The following UBE2E2 variants were observed in gnomAD, a reference collection of about 807,000 sequenced individuals.
UBE2E2 encodes ubiquitin-conjugating enzyme E2 E2.
In UBE2E2, 6 loss-of-function variants were observed where a neutral mutation model predicts 24.7. The observed-to-expected ratio is 0.24, with a 90% CI of 0.13 to 0.48. UBE2E2 has a LOEUF of 0.48. Among genes scored for constraint, UBE2E2 ranks in the 20% least tolerant of loss-of-function variants. The pLI, the probability that UBE2E2 is intolerant of heterozygous loss-of-function variation, is 0.99. For missense variants in UBE2E2, 169 were observed against 245.0 expected (o/e 0.69, Z 2.07); for synonymous variants, 104 against 83.6 (o/e 1.24, Z -1.33).
chr3:23,302,095 A>G (rs1699112349), intron 3 of UBE2E2, among the ~76,000 whole-genome samples: 1 of 151,772 alleles, frequency 6.6e-6, no homozygotes, highest in African/African-American at 2.4e-5. Context: ...CCTCCATTCC[A>G]GGAGTTCTTG....
intron 5 of UBE2E2, among the ~76,000 whole-genome samples, chr3:23,572,485 G>C (rs1696250850): frequency 6.6e-6 from 1 of 152,158 alleles, no homozygotes; most frequent in South Asian, 2.1e-4. Flanking sequence ...CACCCAGATA[G>C]TGAACATAAT....
chr3:23,491,247 C>G (rs1699488425), intron 3 of UBE2E2, among the ~76,000 whole-genome samples: 1 of 152,186 alleles, frequency 6.6e-6, no homozygotes, highest in Non-Finnish European at 1.5e-5. Flanking sequence ...CTCTCAGACA[C>G]TACAGTACTG....
chr3:23,472,744 A>G (rs377401585), intron 3 of UBE2E2, among the ~76,000 whole-genome samples: 1 of 150,754 alleles, frequency 6.6e-6, no homozygotes, highest in South Asian at 2.1e-4. Flanking sequence ...AACCTCCTGG[A>G]CTCAATCCTC....
intron 3 of UBE2E2, among the ~76,000 whole-genome samples, chr3:23,431,330 C>T (rs185015545): frequency 6.6e-6 from 1 of 152,254 alleles, no homozygotes; most frequent in Non-Finnish European, 1.5e-5. Context: ...TGATTGAGGT[C>T]CACTGGGGTC....
chr3:23,391,152 T>C (rs2125360973), intron 3 of UBE2E2, among the ~76,000 whole-genome samples: 1 of 152,328 alleles, frequency 6.6e-6, no homozygotes, highest in East Asian at 1.9e-4. Flanking sequence ...GATGGTTGTT[T>C]ACTTACCCAA....
intron 3 of UBE2E2, among the ~76,000 whole-genome samples, chr3:23,403,698 C>T (rs971357106): frequency 2.6e-5 from 4 of 151,772 alleles, no homozygotes; most frequent in African/African-American, 9.7e-5. Flanking sequence ...GTGGTGCACG[C>T]CTGTAGTTCC....
At chr3:23,508,997 C>A (rs890334854) in intron 4 of UBE2E2, among the ~76,000 whole-genome samples, 1 of 152,142 alleles carries the variant, frequency 6.6e-6, no homozygotes, top group Admixed American at 6.6e-5. Context: ...CCTCCCCTCA[C>A]GTGAGTTTTC....
chr3:23,556,684 G>C (rs891267256), intron 5 of UBE2E2, among the ~76,000 whole-genome samples: 3 of 152,074 alleles, frequency 2.0e-5, no homozygotes, highest in African/African-American at 7.2e-5. Flanking sequence ...TTATGGTTTA[G>C]AATTTCACTG....
chr3:23,275,658 G>A (rs1698359646), intron 3 of UBE2E2, among the ~76,000 whole-genome samples: 1 of 152,092 alleles, frequency 6.6e-6, no homozygotes, highest in South Asian at 2.1e-4. Context: ...AGTTTTATAG[G>A]TAGAGGTGCT....
At chr3:23,463,920 G>A (rs2125427836) in intron 3 of UBE2E2, among the ~76,000 whole-genome samples, 1 of 152,208 alleles carries the variant, frequency 6.6e-6, no homozygotes, top group South Asian at 2.1e-4. Context: ...CCCTTTTAAT[G>A]TTAAAGATCA....
intron 4 of UBE2E2, among the ~76,000 whole-genome samples, chr3:23,500,779 G>A (rs1293554731): frequency 2.6e-5 from 4 of 152,030 alleles, no homozygotes; most frequent in Admixed American, 1.3e-4. Context: ...GCAAAAAGTA[G>A]TAGCTATAAT....
intron 3 of UBE2E2, among the ~76,000 whole-genome samples, chr3:23,268,559 A>G (rs990665158): frequency 2.7e-5 from 4 of 147,220 alleles, no homozygotes; most frequent in Non-Finnish European, 6.0e-5. Flanking sequence ...AAGAGGATAC[A>G]AAGAAATGGA....
chr3:23,553,763 T>TA lies in UBE2E2; in HGVS notation c.508+21063dup, dbSNP rs554059894. ...GCATTTCTGTACACAAGTGACAACCTAGCCAAGAAAAGAAATCAAAACAAT... is the reference window on the plus strand; with the variant it reads ...GCATTTCTGTACACAAGTGACAACCTAAGCCAAGAAAAGAAATCAAAACAAT... On this transcript the variant is annotated intron_variant, in intron 5 of 5. Coordinates refer to ENST00000396703, the MANE Select transcript of UBE2E2 (RefSeq NM_152653.4). Among the ~76,000 whole-genome samples, 22 of 152,248 alleles carry TA rather than the reference T, an allele frequency of 1.4e-4. No individual in the cohort carries two copies. In the South Asian group the frequency reaches 3.7e-3, roughly 26 times the overall value.
Position 23,254,988 on chromosome 3 carries a change from G to A in UBE2E2, c.227+37676G>A, listed in dbSNP as rs142085175. ...AAAGTAATGAAAAGGATAAGCCAGTGCTGCATAAGTGGTTTCTGAAGGCAT... is the reference window on the plus strand; with the variant it reads ...AAAGTAATGAAAAGGATAAGCCAGTACTGCATAAGTGGTTTCTGAAGGCAT... On this transcript the variant is annotated intron_variant, in intron 3 of 5. Transcript: ENST00000396703. Among the ~76,000 whole-genome samples, 147 of 151,836 alleles carry A rather than the reference G, an allele frequency of 9.7e-4. 3 individuals are homozygous for A. In the East Asian group the frequency reaches 0.025, roughly 26 times the overall value.
At chr3:23,353,020 A>C (rs1385255883) in intron 3 of UBE2E2, among the ~76,000 whole-genome samples, 1 of 152,226 alleles carries the variant, frequency 6.6e-6, no homozygotes, top group Non-Finnish European at 1.5e-5. Context: ...GCAGCACATC[A>C]AAAAGCTTAT....
chr3:23,556,232 C>T (rs570910290), intron 5 of UBE2E2, among the ~76,000 whole-genome samples: 1 of 147,348 alleles, frequency 6.8e-6, no homozygotes, highest in Non-Finnish European at 1.5e-5. Context: ...GCAACCTCCA[C>T]CTCCCAGGTT....
At chr3:23,286,200 T>A (rs1698611347) in intron 3 of UBE2E2, among the ~76,000 whole-genome samples, 1 of 152,220 alleles carries the variant, frequency 6.6e-6, no homozygotes, top group Non-Finnish European at 1.5e-5. Flanking sequence ...TTGCCCATTT[T>A]TGCTTTAGTT....
chr3:23,471,786 A>G (rs1699036600), intron 3 of UBE2E2, among the ~76,000 whole-genome samples: 2 of 152,360 alleles, frequency 1.3e-5, no homozygotes, highest in Non-Finnish European at 2.9e-5. Flanking sequence ...CCATATAAAA[A>G]GTGGGCAAGG....
chr3:23,525,853 G>T (rs192649467), intron 4 of UBE2E2, among the ~76,000 whole-genome samples: 1 of 152,214 alleles, frequency 6.6e-6, no homozygotes, highest in African/African-American at 2.4e-5. Flanking sequence ...TAGGTTAAGG[G>T]TGGGAAGACT....
Sources: gnomAD v4.1 joint callset for allele counts (sites outside exome capture counted in the v4.1 genomes callset) on GRCh38, gnomAD v4.1.1 for gene constraint, MANE v1.5 for transcripts, NCBI Gene and HGNC (gene_info 2026-07-23, HGNC 2026-07-21) for gene names.